TTC39B: variants seen among roughly 807,000 people sequenced by gnomAD.
TTC39B encodes the protein tetratricopeptide repeat domain 39B.
TTC39B carries 92 observed loss-of-function variants against 96.6 expected under a neutral mutation model. The ratio of observed to expected loss-of-function variants is 0.95; its 90% CI spans 0.80 to 1.13. The LOEUF (loss-of-function observed/expected upper bound fraction) is 1.13, where lower values mean the gene tolerates loss of function less well. Among genes scored for constraint, TTC39B ranks in the 50% most tolerant of loss-of-function variants. The pLI is 0.00. For synonymous variants in TTC39B, 367 were observed against 299.4 expected (o/e 1.23, Z -2.33); for missense variants, 955 against 809.3 (o/e 1.18, Z -2.18).
chr9:15,229,671 A>G (rs1035986579), intron 2 of TTC39B, among the ~76,000 whole-genome samples: 7 of 152,174 alleles, frequency 4.6e-5, no homozygotes, highest in Admixed American at 4.6e-4. Flanking sequence ...TTATTCTGCA[A>G]TCTCTTACAC....
chr9:15,247,188 G>A (rs1300813522), intron 2 of TTC39B, among the ~76,000 whole-genome samples: 1 of 152,198 alleles, frequency 6.6e-6, no homozygotes, highest in South Asian at 2.1e-4. Context: ...TTGGATATAC[G>A]AAGATCCACC....
chr9:15,193,084 T>G (rs562243419), intron 8 of TTC39B, among the ~76,000 whole-genome samples: 1 of 152,178 alleles, frequency 6.6e-6, no homozygotes, highest in African/African-American at 2.4e-5. Flanking sequence ...GGAAATGAAA[T>G]GCTACTGGCA....
chr9:15,283,964 A>C (rs1823863750), intron 1 of TTC39B, among the ~76,000 whole-genome samples: 1 of 151,794 alleles, frequency 6.6e-6, no homozygotes, highest in African/African-American at 2.4e-5. Flanking sequence ...TAAAGAAAAG[A>C]GTAAAAGATT....
At chr9:15,190,499 C>T in intron 11 of TTC39B, 55 bp downstream of exon 11, 1 of 1,523,114 alleles carries the variant, frequency 6.6e-7, no homozygotes, top group Admixed American at 1.7e-5. Flanking sequence ...GTGTAACACA[C>T]CATGTCTGGC....
chr9:15,257,681 C>T (rs1262400582), intron 2 of TTC39B, among the ~76,000 whole-genome samples: 1 of 151,944 alleles, frequency 6.6e-6, no homozygotes, highest in Non-Finnish European at 1.5e-5. Context: ...CTCCTGGGCT[C>T]AAGCAATCCA....
chr9:15,290,294 T>G (rs1824136387), intron 1 of TTC39B, among the ~76,000 whole-genome samples: 1 of 152,160 alleles, frequency 6.6e-6, no homozygotes, highest in East Asian at 1.9e-4. Flanking sequence ...GGACCTAAAC[T>G]CATCATGCCA....
chr9:15,227,281 C>T (rs2131409786), intron 2 of TTC39B, among the ~76,000 whole-genome samples: 1 of 150,778 alleles, frequency 6.6e-6, no homozygotes, highest in African/African-American at 2.4e-5. Flanking sequence ...GCACTCCAGC[C>T]TGGGCGACAA....
At position 15,291,748 on chromosome 9, in the gene TTC39B, T is replaced by TA. The variant is rs904277963; in HGVS notation, c.240+15335dup. 1.9e-3 allele frequency among the ~76,000 whole-genome samples: 283 copies of TA among 148,262 alleles called. 1 individual carries two copies. Among genetic ancestry groups the TA allele is most frequent in the African/African-American group, 5.3e-3 (213 of 40,534 alleles). On this transcript the variant is annotated intron_variant, in intron 1 of 19. Coordinates refer to ENST00000512701, the Ensembl canonical transcript of TTC39B. The stretch of plus-strand genomic sequence containing the variant: ...CAAAGTCTCAAGTAGGACAAAGAAT[T>TA]AAAAAAAAAAATCAGCCTCTTCCCT...
chr9:15,255,323 C>T (rs1233893209), intron 2 of TTC39B, among the ~76,000 whole-genome samples: 3 of 151,954 alleles, frequency 2.0e-5, no homozygotes, highest in East Asian at 3.9e-4. Context: ...TGTACCTAAA[C>T]CAAATATCAC....
At chr9:15,167,050 T>G (rs1335570494) in exon 20 of TTC39B, 12 of 76,992 alleles carry the variant, frequency 1.6e-4, no homozygotes, top group Non-Finnish European at 3.2e-4. Context: ...TTTTTTTTTT[T>G]TTTTGAGACA....
intron 2 of TTC39B, chr9:15,249,807 A>C: frequency 1.2e-6 from 1 of 865,406 alleles, no homozygotes; most frequent in Non-Finnish European, 1.5e-6. Context: ...GTGAAATTTA[A>C]CTGGAGTTTA....
intron 15 of TTC39B, 191 bp from the exon 16 acceptor site, chr9:15,185,597 G>T: frequency 2.9e-6 from 2 of 700,542 alleles, no homozygotes; most frequent in South Asian, 4.4e-5. Context: ...GGCCGGGGCC[G>T]AGCAATCTAG....
chr9:15,215,479 C>T lies in TTC39B; in HGVS notation c.372-1230G>A, dbSNP rs1023724220. Among the ~76,000 whole-genome samples the T allele has an allele frequency of 2.0e-5, 3 of 151,468 alleles. No individual in the cohort carries two copies. In the South Asian group the frequency reaches 6.2e-4, roughly 31 times the overall value. On this transcript the variant is annotated intron_variant, in intron 3 of 19. Coordinates refer to ENST00000512701, the Ensembl canonical transcript of TTC39B. ...GGCTGAGGCAGGAGAATCACTTGAA[C>T]CCAGGAGGTGGAGGTTGCAATGAGC...
intron 6 of TTC39B, among the ~76,000 whole-genome samples, chr9:15,207,977 T>G (rs1819968276): frequency 9.3e-6 from 1 of 107,192 alleles, no homozygotes; most frequent in Admixed American, 9.1e-5. Flanking sequence ...GAGTGAGACT[T>G]GGTCTCAAAA....
chr9:15,234,448 G>A (rs1350653451), intron 2 of TTC39B, among the ~76,000 whole-genome samples: 1 of 149,720 alleles, frequency 6.7e-6, no homozygotes, highest in East Asian at 2.0e-4. Flanking sequence ...CCGTCTGGGA[G>A]GTGAGGGGCG....
At chr9:15,214,926 G>A (rs375044665) in intron 3 of TTC39B, among the ~76,000 whole-genome samples, 2 of 152,142 alleles carry the variant, frequency 1.3e-5, no homozygotes, top group East Asian at 1.9e-4. Context: ...ATTTCAATAA[G>A]TAAATGAGCA....
intron 4 of TTC39B, among the ~76,000 whole-genome samples, chr9:15,212,013 G>A (rs1820229140): frequency 6.6e-6 from 1 of 152,304 alleles, no homozygotes; most frequent in Non-Finnish European, 1.5e-5. Flanking sequence ...TCTTAAGGAT[G>A]TTAACTAGAA....
At chr9:15,192,729 G>T in intron 8 of TTC39B, 34 bp from the exon 9 acceptor site, 2 of 1,388,246 alleles carry the variant, frequency 1.4e-6, no homozygotes, top group South Asian at 2.4e-5. Context: ...AGCATAAGTT[G>T]ACCATGACTC....
intron 8 of TTC39B, among the ~76,000 whole-genome samples, chr9:15,194,074 T>C (rs889961643): frequency 6.6e-6 from 1 of 152,172 alleles, no homozygotes; most frequent in Non-Finnish European, 1.5e-5. Context: ...GTTTCCTCAT[T>C]TTAATAATTG....
Sources: allele counts gnomAD v4.1 joint callset (sites outside exome capture counted in the v4.1 genomes callset), GRCh38; gene constraint gnomAD v4.1.1; transcripts MANE v1.5; gene names NCBI Gene and HGNC (gene_info 2026-07-23, HGNC 2026-07-21).